RBFOX1: variants seen among roughly 807,000 people sequenced by gnomAD.
RBFOX1 encodes the protein RNA binding fox-1 homolog 1.
Under a neutral mutation model 57.7 loss-of-function variants are expected in RBFOX1, and 8 were observed. The observed-to-expected ratio is 0.14, with a 90% confidence interval of 0.08 to 0.25. The LOEUF is 0.25. Ranked by LOEUF, RBFOX1 falls within the 10% of genes least tolerant of loss-of-function variation. The probability of loss-of-function intolerance (pLI) is 1.00; values close to 1 mark genes in which losing one functional copy is unlikely to be tolerated. For missense variants in RBFOX1, 611 were observed against 548.5 expected, an observed-to-expected ratio of 1.11 and a Z score of -1.14; for synonymous variants, 326 against 222.4, an observed-to-expected ratio of 1.47 and a Z score of -4.15.
chr16:6,992,371 C>T (rs1479649915), intron 3 of RBFOX1, among the ~76,000 whole-genome samples: 2 of 152,180 alleles, frequency 1.3e-5, no homozygotes, highest in African/African-American at 2.4e-5. Flanking sequence ...GTACCCACCA[C>T]CATGCCCAGC....
At chr16:6,129,746 C>CA (rs1231314526) in intron 1 of RBFOX1, among the ~76,000 whole-genome samples, 9 of 107,334 alleles carry the variant, frequency 8.4e-5, no homozygotes, top group Admixed American at 5.0e-4. Flanking sequence ...GTCATATTGA[C>CA]GAAAAAAAAA....
chr16:6,472,684 C>T (rs991868879), intron 2 of RBFOX1, among the ~76,000 whole-genome samples: 7 of 150,940 alleles, frequency 4.6e-5, no homozygotes, highest in East Asian at 3.9e-4. Context: ...AGTGCAGTGG[C>T]GCAATCTTGG....
At chr16:6,120,653 AT>A (rs1567503914) in intron 1 of RBFOX1, among the ~76,000 whole-genome samples, 1 of 152,146 alleles carries the variant, frequency 6.6e-6, no homozygotes. Flanking sequence ...TATAATAATT[AT>A]TGTTATTAAT....
chr16:6,351,456 C>G (rs758692318), intron 2 of RBFOX1, among the ~76,000 whole-genome samples: 5 of 148,564 alleles, frequency 3.4e-5, no homozygotes, highest in Non-Finnish European at 7.4e-5. Context: ...TCACTGCAAC[C>G]TCTATCTCCC....
intron 4 of RBFOX1, among the ~76,000 whole-genome samples, chr16:7,493,393 C>G (rs1463693255): frequency 1.3e-5 from 2 of 152,156 alleles, no homozygotes; most frequent in African/African-American, 2.4e-5. Flanking sequence ...TCAGTAACGC[C>G]CACAAATCTG....
Position 7,581,675 on chromosome 16 carries a change from G to A in RBFOX1, c.414+1755G>A, listed in dbSNP as rs574728700. Among the ~76,000 whole-genome samples the A allele has an allele frequency of 1.2e-3, 182 of 152,180 alleles. 1 individual carries two copies. The highest frequency in any genetic ancestry group is 1.8e-3 in the Non-Finnish European group (119 of 67,994). On this transcript the variant is annotated intron_variant, in intron 6 of 15. Transcript: ENST00000550418. Reference sequence around the variant, plus strand: ...AGGAGCAAGATCTTGCCAAAAAATTGTACTACCGGTCATCAGACCTTGATC... The same window carrying A: ...AGGAGCAAGATCTTGCCAAAAAATTATACTACCGGTCATCAGACCTTGATC...
chr16:5,754,384 T>C (rs1387338828), intron 3 of RBFOX1, among the ~76,000 whole-genome samples: 2 of 152,162 alleles, frequency 1.3e-5, no homozygotes, highest in South Asian at 2.1e-4. Flanking sequence ...TAATTGATGA[T>C]TGATGTGGGG....
intron 1 of RBFOX1, among the ~76,000 whole-genome samples, chr16:6,184,092 T>C (rs184796780): frequency 9.2e-5 from 14 of 152,238 alleles, no homozygotes; most frequent in Non-Finnish European, 1.9e-4. Context: ...AGGAAAGGGA[T>C]TTCCCCTTAT....
chr16:7,117,571 C>T (rs1016126576), intron 4 of RBFOX1, among the ~76,000 whole-genome samples: 5 of 152,116 alleles, frequency 3.3e-5, no homozygotes, highest in Non-Finnish European at 5.9e-5. Flanking sequence ...TCTATAGTAC[C>T]TCATCTGAAA....
At chr16:6,757,648 G>T (rs2076012589) in intron 3 of RBFOX1, among the ~76,000 whole-genome samples, 2 of 152,116 alleles carry the variant, frequency 1.3e-5, no homozygotes, top group Admixed American at 1.3e-4. Flanking sequence ...GGCTGGGAAG[G>T]GTAGAGAAGG....
chr16:5,565,356 T>C (rs2046028560), intron 2 of RBFOX1, among the ~76,000 whole-genome samples: 1 of 152,164 alleles, frequency 6.6e-6, no homozygotes, highest in African/African-American at 2.4e-5. Context: ...CCGGGCGCAG[T>C]GGCTCACTCC....
intron 2 of RBFOX1, among the ~76,000 whole-genome samples, chr16:6,600,420 C>T (rs2097838981): frequency 6.6e-6 from 1 of 152,150 alleles, no homozygotes. Flanking sequence ...CAAAAGATGA[C>T]CTCTCATTCT....
chr16:6,356,630 A>G (rs2087369772), intron 2 of RBFOX1, among the ~76,000 whole-genome samples: 1 of 152,144 alleles, frequency 6.6e-6, no homozygotes, highest in African/African-American at 2.4e-5. Flanking sequence ...AAACTGTGAA[A>G]TAGCTGCAGC....
chr16:7,629,461 C>T (rs17144389), intron 10 of RBFOX1, among the ~76,000 whole-genome samples: 30,702 of 152,060 alleles, frequency 0.2, 5,006 homozygotes, highest in African/African-American at 0.45. Flanking sequence ...TTTCCCGTTG[C>T]GGTCCTGACA....
At chr16:5,781,309 T>G (rs1567533256) in intron 3 of RBFOX1, among the ~76,000 whole-genome samples, 2 of 152,166 alleles carry the variant, frequency 1.3e-5, no homozygotes, top group Non-Finnish European at 2.9e-5. Flanking sequence ...ATCCATAGCC[T>G]CCTCCTCTTG....
intron 1 of RBFOX1, among the ~76,000 whole-genome samples, chr16:6,058,833 T>TATCCATCCATCC (rs35496154): frequency 7.4e-6 from 1 of 134,310 alleles, no homozygotes; most frequent in African/African-American, 2.6e-5. Context: ...CTCATTTATT[T>TATCCATCCATCC]ATCCATCCAT....
chr16:5,779,015 T>C (rs1236193543), intron 3 of RBFOX1, among the ~76,000 whole-genome samples: 2 of 152,208 alleles, frequency 1.3e-5, no homozygotes, highest in Non-Finnish European at 2.9e-5. Context: ...TGAGCCCTCA[T>C]TGATTTCTGG....
At chr16:7,020,417 C>T (rs1422214252) in intron 3 of RBFOX1, among the ~76,000 whole-genome samples, 7 of 152,074 alleles carry the variant, frequency 4.6e-5, no homozygotes, top group Non-Finnish European at 5.9e-5. Flanking sequence ...GATGAGGTTT[C>T]ACCATGCTGG....
chr16:6,639,682 C>G (rs1036529239), intron 2 of RBFOX1, among the ~76,000 whole-genome samples: 1 of 152,038 alleles, frequency 6.6e-6, no homozygotes, highest in African/African-American at 2.4e-5. Context: ...TGAGACCATC[C>G]TGGCTAACAT....
Sources: gnomAD v4.1 joint callset for allele counts (sites outside exome capture counted in the v4.1 genomes callset) on GRCh38, gnomAD v4.1.1 for gene constraint, MANE v1.5 for transcripts, NCBI Gene and HGNC (gene_info 2026-07-23, HGNC 2026-07-21) for gene names.